Variants in HHAT observed in about 807,000 individuals in gnomAD.
HHAT encodes the protein hedgehog acyltransferase.
HHAT carries 47 observed loss-of-function variants against 70.8 expected under a neutral mutation model. The observed-to-expected ratio is 0.66, with a 90% confidence interval of 0.53 to 0.85. The LOEUF is 0.85. Among genes scored for constraint, HHAT ranks in the 40% least tolerant of loss-of-function variants. HHAT has a pLI of 0.00. For synonymous variants in HHAT, 228 were observed against 247.6 expected (o/e 0.92, Z 0.74); for missense variants, 609 against 604.8 (o/e 1.01, Z -0.07).
intron 8 of HHAT, among the ~76,000 whole-genome samples, chr1:210,481,791 A>G (rs2094400905): frequency 6.6e-6 from 1 of 152,198 alleles, no homozygotes; most frequent in Non-Finnish European, 1.5e-5. Flanking sequence ...AATAATGAGG[A>G]TTGAGTGTCA....
chr1:210,559,275 A>C (rs1323493974), intron 9 of HHAT, among the ~76,000 whole-genome samples: 1 of 152,180 alleles, frequency 6.6e-6, no homozygotes, highest in East Asian at 1.9e-4. Context: ...AGAATATTTC[A>C]TGAGGGCAGG....
At chr1:210,554,911 A>G (rs2095558721) in intron 9 of HHAT, among the ~76,000 whole-genome samples, 1 of 152,090 alleles carries the variant, frequency 6.6e-6, no homozygotes, top group African/African-American at 2.4e-5. Flanking sequence ...ATTGGGCATG[A>G]GCCATCCTGC....
intron 9 of HHAT, among the ~76,000 whole-genome samples, chr1:210,534,537 A>G (rs1448228043): frequency 1.3e-5 from 2 of 152,124 alleles, no homozygotes; most frequent in Non-Finnish European, 2.9e-5. Context: ...AATTTTTTTC[A>G]GAATTTGGAA....
intron 2 of HHAT, among the ~76,000 whole-genome samples, chr1:210,362,236 CTTT>C (rs72236593): frequency 4.3e-5 from 6 of 139,710 alleles, no homozygotes; most frequent in Non-Finnish European, 9.4e-5. Context: ...GTCAAAATTT[CTTT>C]TTTTTTTTTT....
At chr1:210,376,711 T>C (rs2090253000) in intron 3 of HHAT, among the ~76,000 whole-genome samples, 1 of 152,132 alleles carries the variant, frequency 6.6e-6, no homozygotes, top group Admixed American at 6.5e-5. Context: ...AGGTGTCTCT[T>C]GGACAGCTTG....
At chr1:210,518,624 C>G (rs1294243281) in intron 9 of HHAT, among the ~76,000 whole-genome samples, 1 of 152,160 alleles carries the variant, frequency 6.6e-6, no homozygotes, top group Non-Finnish European at 1.5e-5. Flanking sequence ...AAAATCCCAT[C>G]TCTACTGAAA....
chr1:210,605,634 C>T (rs1374293822), intron 10 of HHAT, among the ~76,000 whole-genome samples: 1 of 152,086 alleles, frequency 6.6e-6, no homozygotes, highest in East Asian at 1.9e-4. Flanking sequence ...CCCATTTTAC[C>T]AGGAGAAAAA....
At chr1:210,443,395 G>A (rs2093568758) in intron 7 of HHAT, among the ~76,000 whole-genome samples, 2 of 149,604 alleles carry the variant, frequency 1.3e-5, no homozygotes, top group South Asian at 4.3e-4. Context: ...GTCATTGGTA[G>A]CTTGATGGGG....
chr1:210,537,111 T>C (rs2095381184), intron 9 of HHAT, among the ~76,000 whole-genome samples: 1 of 151,922 alleles, frequency 6.6e-6, no homozygotes, highest in African/African-American at 2.4e-5. Context: ...ACTGCCACTG[T>C]AATGTAATGT....
At chr1:210,531,638 G>A (rs2095315635) in intron 9 of HHAT, among the ~76,000 whole-genome samples, 1 of 152,150 alleles carries the variant, frequency 6.6e-6, no homozygotes, top group African/African-American at 2.4e-5. Flanking sequence ...AAAATACTTA[G>A]GACAGTTCCC....
chr1:210,556,284 A>G (rs2095571859), intron 9 of HHAT, among the ~76,000 whole-genome samples: 1 of 152,194 alleles, frequency 6.6e-6, no homozygotes, highest in Non-Finnish European at 1.5e-5. Context: ...TAAAGATTCA[A>G]ACAAACAGAA....
intron 11 of HHAT, among the ~76,000 whole-genome samples, chr1:210,651,820 C>A (rs1223993430): frequency 6.6e-6 from 1 of 152,210 alleles, no homozygotes; most frequent in Non-Finnish European, 1.5e-5. Flanking sequence ...ACCTGGGCAT[C>A]CAAGTAAGTA....
chr1:210,525,803 A>G (rs185728686), intron 9 of HHAT, among the ~76,000 whole-genome samples: 1 of 152,236 alleles, frequency 6.6e-6, no homozygotes, highest in Non-Finnish European at 1.5e-5. Context: ...ATGTAGAGAC[A>G]TAGTTTTAAA....
At chr1:210,543,665 A>G (rs1275000010) in intron 9 of HHAT, among the ~76,000 whole-genome samples, 1 of 152,008 alleles carries the variant, frequency 6.6e-6, no homozygotes, top group African/African-American at 2.4e-5. Context: ...CTTTGAATTC[A>G]TTTTTGGGGC....
chr1:210,370,773 C>T (rs760150555), intron 3 of HHAT, among the ~76,000 whole-genome samples: 2 of 151,876 alleles, frequency 1.3e-5, no homozygotes, highest in Non-Finnish European at 2.9e-5. Context: ...TGCCACCATG[C>T]CCAGCTAAGT....
intron 3 of HHAT, among the ~76,000 whole-genome samples, chr1:210,375,291 A>G (rs1164525842): frequency 2.3e-5 from 3 of 128,180 alleles, no homozygotes; most frequent in African/African-American, 3.5e-5. Flanking sequence ...GTATGTGTGT[A>G]TGTGTATATA....
chr1:210,360,589 C>T lies in HHAT; in HGVS notation c.92-2263C>T, dbSNP rs184935905. Among the ~76,000 whole-genome samples, 12 of 152,182 alleles carry T rather than the reference C, an allele frequency of 7.9e-5. No individual in the cohort carries two copies. In the East Asian group the frequency reaches 1.7e-3, roughly 22 times the overall value. ...CCTCCCAAAGTGCTGGGATTACAGG[C>T]GTGAGCTACCGCGCCTGGCCGAGGA... On this transcript the variant is annotated intron_variant, in intron 2 of 11. Transcript: ENST00000261458.
At chr1:210,423,798 C>T (rs936015509) in intron 7 of HHAT, among the ~76,000 whole-genome samples, 1 of 152,088 alleles carries the variant, frequency 6.6e-6, no homozygotes, top group Admixed American at 6.6e-5. Flanking sequence ...AACAGATTGT[C>T]CTTTCCTTAA....
chr1:210,444,630 G>A (rs2093596835), intron 7 of HHAT, among the ~76,000 whole-genome samples: 1 of 151,950 alleles, frequency 6.6e-6, no homozygotes, highest in African/African-American at 2.4e-5. Context: ...TAGTTTAATT[G>A]CGTAGAGGTG....
Sources: allele counts gnomAD v4.1 joint callset (sites outside exome capture counted in the v4.1 genomes callset), GRCh38; gene constraint gnomAD v4.1.1; transcripts MANE v1.5; gene names NCBI Gene and HGNC (gene_info 2026-07-23, HGNC 2026-07-21).